The following XYLT1 variants were observed in gnomAD, a reference collection of about 807,000 sequenced individuals.
The protein encoded by XYLT1 is xylosyltransferase 1, also known as beta-D-xylosyltransferase 1.
XYLT1 carries 36 observed loss-of-function variants against 91.3 expected under a neutral mutation model. The observed-to-expected ratio is 0.39, with a 90% CI of 0.30 to 0.52. XYLT1 has a LOEUF of 0.52. Ranked by LOEUF, XYLT1 falls within the 20% of genes least tolerant of loss-of-function variation. XYLT1 has a pLI of 0.68. For missense variants in XYLT1, 1,242 were observed against 1,284.5 expected, an observed-to-expected ratio of 0.97 and a Z score of 0.51; for synonymous variants, 588 against 532.0, an observed-to-expected ratio of 1.11 and a Z score of -1.45.
intron 3 of XYLT1, among the ~76,000 whole-genome samples, chr16:17,252,444 A>G (rs1038112402): frequency 6.6e-6 from 1 of 152,024 alleles, no homozygotes; most frequent in African/African-American, 2.4e-5. Flanking sequence ...GGCTCAAAAC[A>G]AATTTCTCGG....
At chr16:17,200,128 G>T (rs897544073) in intron 4 of XYLT1, among the ~76,000 whole-genome samples, 3 of 152,068 alleles carry the variant, frequency 2.0e-5, no homozygotes, top group African/African-American at 7.2e-5. Context: ...GGCTGAGGCA[G>T]GAAAATTGCT....
At chr16:17,428,603 G>C (rs1332310199) in intron 1 of XYLT1, among the ~76,000 whole-genome samples, 2 of 152,180 alleles carry the variant, frequency 1.3e-5, no homozygotes, top group Admixed American at 1.3e-4. Flanking sequence ...CTCTCCAAAA[G>C]TGCTAAAAGC....
Position 17,358,030 on chromosome 16 carries a change from G to A in XYLT1, c.384C>T (p.Leu128=), listed in dbSNP as rs563629963. 15 of 1,613,754 alleles carry A rather than the reference G, an allele frequency of 9.3e-6. No homozygotes were observed. In the South Asian group the frequency reaches 9.9e-5, roughly 11 times the overall value. Residue 128 remains leucine (L), a synonymous_variant, in exon 2 of 12, where the codon CTC becomes CTT. Coordinates refer to ENST00000261381, the MANE Select transcript of XYLT1 (RefSeq NM_022166.4). Reference sequence around the variant, plus strand: ...TACTTACCTGAGTCTCCAGGGTGATGAGCGGACTTGGGTGTGGATCCTGTA... The same window carrying A: ...TACTTACCTGAGTCTCCAGGGTGATAAGCGGACTTGGGTGTGGATCCTGTA... ...ARALDPHPSP[L]ITLETQDGYF... is the part of the protein sequence containing the mutation.
intron 1 of XYLT1, among the ~76,000 whole-genome samples, chr16:17,465,139 G>A (rs562654721): frequency 3.3e-5 from 2 of 60,180 alleles, no homozygotes; most frequent in South Asian, 9.1e-4. Context: ...GCAAGATGCT[G>A]TCTCAAAAAA....
At chr16:17,269,279 A>T (rs2033852323) in intron 2 of XYLT1, among the ~76,000 whole-genome samples, 1 of 151,820 alleles carries the variant, frequency 6.6e-6, no homozygotes, top group African/African-American at 2.4e-5. Flanking sequence ...CAACCTCCTG[A>T]CCTCAAGCGA....
chr16:17,339,274 A>T (rs192057204), intron 2 of XYLT1, among the ~76,000 whole-genome samples: 1 of 152,296 alleles, frequency 6.6e-6, no homozygotes, highest in Admixed American at 6.5e-5. Flanking sequence ...TATTTTCACT[A>T]ACTCTAACTG....
chr16:17,377,175 T>TCACACACACACACACACACACACACCCC (rs376242678), intron 1 of XYLT1, among the ~76,000 whole-genome samples: 3 of 150,830 alleles, frequency 2.0e-5, no homozygotes, highest in African/African-American at 7.4e-5. Flanking sequence ...AGACTCTGCC[T>TCACACACACACACACACACACACACCCC]CACACACACA....
At chr16:17,285,978 G>A (rs970305809) in intron 2 of XYLT1, among the ~76,000 whole-genome samples, 7 of 151,974 alleles carry the variant, frequency 4.6e-5, no homozygotes, top group African/African-American at 1.7e-4. Context: ...GAGAGACAGA[G>A]AGAGACTGTG....
chr16:17,272,521 A>C (rs1454893116), intron 2 of XYLT1, among the ~76,000 whole-genome samples: 4 of 152,138 alleles, frequency 2.6e-5, no homozygotes, highest in African/African-American at 9.7e-5. Context: ...CTTCAGGCAC[A>C]CAGGTGTCTG....
At chr16:17,424,550 A>C (rs934547186) in intron 1 of XYLT1, among the ~76,000 whole-genome samples, 1 of 152,190 alleles carries the variant, frequency 6.6e-6, no homozygotes, top group Non-Finnish European at 1.5e-5. Context: ...TGTTATGTGG[A>C]TGCTGTAGAA....
intron 1 of XYLT1, among the ~76,000 whole-genome samples, chr16:17,377,407 G>C (rs1420584270): frequency 6.6e-6 from 1 of 152,116 alleles, no homozygotes; most frequent in Non-Finnish European, 1.5e-5. Flanking sequence ...CCATTGTCTG[G>C]ATGGCAGAAT....
intron 6 of XYLT1, among the ~76,000 whole-genome samples, chr16:17,142,115 T>C (rs2030995540): frequency 6.6e-6 from 1 of 152,164 alleles, no homozygotes; most frequent in Non-Finnish European, 1.5e-5. Flanking sequence ...CTATGTTGCC[T>C]AGACTGGTCT....
At chr16:17,187,393 C>CAAAAAAAAA (rs71137979) in intron 5 of XYLT1, among the ~76,000 whole-genome samples, 1 of 55,304 alleles carries the variant, frequency 1.8e-5, no homozygotes, top group Non-Finnish European at 3.2e-5. Context: ...GACTCAGTTT[C>CAAAAAAAAA]AAAAAAAAAA....
intron 2 of XYLT1, among the ~76,000 whole-genome samples, chr16:17,271,188 C>T (rs1313180746): frequency 6.6e-6 from 1 of 151,382 alleles, no homozygotes; most frequent in East Asian, 1.9e-4. Flanking sequence ...TTTAAGTGTC[C>T]CGAAGGCTGG....
chr16:17,367,841 G>A (rs1232896807), intron 1 of XYLT1, among the ~76,000 whole-genome samples: 1 of 152,138 alleles, frequency 6.6e-6, no homozygotes, highest in Non-Finnish European at 1.5e-5. Context: ...GTTTGGTGAG[G>A]CATGGGAGAT....
chr16:17,151,949 G>A (rs949207054), intron 6 of XYLT1, among the ~76,000 whole-genome samples: 1 of 152,206 alleles, frequency 6.6e-6, no homozygotes, highest in Non-Finnish European at 1.5e-5. Flanking sequence ...TGGGCTTGGT[G>A]GCTCACATTC....
chr16:17,372,386 G>T lies in XYLT1; in HGVS notation c.364-14336C>A, dbSNP rs564094700. Reference sequence around the variant, plus strand: ...GCTAATTAAGACCTTGCTTTCAGCAGGTACAGTAAACTACTCACATTCCAA... The same window carrying T: ...GCTAATTAAGACCTTGCTTTCAGCATGTACAGTAAACTACTCACATTCCAA... On this transcript the variant is annotated intron_variant, in intron 1 of 11. Transcript: ENST00000261381. 1.7e-4 allele frequency among the ~76,000 whole-genome samples: 26 copies of T among 152,288 alleles called. No homozygotes were observed. The South Asian group carries it at 2.9e-3, about 17-fold the overall frequency.
chr16:17,294,145 T>G (rs1349005626), intron 2 of XYLT1, among the ~76,000 whole-genome samples: 1 of 151,930 alleles, frequency 6.6e-6, no homozygotes, highest in Non-Finnish European at 1.5e-5. Context: ...TCTGAAGGGG[T>G]CCCCTGCTCA....
chr16:17,379,760 C>T (rs9939993), intron 1 of XYLT1, among the ~76,000 whole-genome samples: 10,414 of 139,408 alleles, frequency 0.075, 357 homozygotes, highest in African/African-American at 0.14. Flanking sequence ...CTCTCTCTCT[C>T]TCTCACACAC....
Sources: gnomAD v4.1 joint callset for allele counts (sites outside exome capture counted in the v4.1 genomes callset) on GRCh38, gnomAD v4.1.1 for gene constraint, MANE v1.5 for transcripts, NCBI Gene and HGNC (gene_info 2026-07-23, HGNC 2026-07-21) for gene names.